The following LMNTD1 variants were observed in gnomAD, a reference collection of about 807,000 sequenced individuals.
LMNTD1 encodes the protein lamin tail domain containing 1, also known as lamin tail domain-containing protein 1.
LMNTD1 carries 35 observed loss-of-function variants against 50.9 expected under a neutral mutation model. The ratio of observed to expected loss-of-function variants is 0.69; its 90% CI spans 0.53 to 0.91. The LOEUF (loss-of-function observed/expected upper bound fraction) is 0.91. Among genes scored for constraint, LMNTD1 ranks in the 40% least tolerant of loss-of-function variants. The probability of loss-of-function intolerance (pLI) is 0.00; values close to 1 mark genes in which losing one functional copy is unlikely to be tolerated. For missense variants in LMNTD1, 470 were observed against 475.5 expected (o/e 0.99, Z 0.11); for synonymous variants, 153 against 161.9 (o/e 0.94, Z 0.42).
chr12:25,612,057 T>G (rs1946256405), intron 1 of LMNTD1, among the ~76,000 whole-genome samples: 1 of 152,196 alleles, frequency 6.6e-6, no homozygotes, highest in South Asian at 2.1e-4. Context: ...TCTTAGCCTT[T>G]AACATAATTG....
At chr12:25,553,500 A>C (rs1284861430), upstream of LMNTD1, among the ~76,000 whole-genome samples, 9 of 152,196 alleles carry the variant, frequency 5.9e-5, no homozygotes, top group African/African-American at 1.9e-4. Flanking sequence ...CTAAGAGTCA[A>C]GGCCAGTATG....
At chr12:25,484,313 G>A (rs1938542260) in intron 9 of LMNTD1, among the ~76,000 whole-genome samples, 1 of 151,912 alleles carries the variant, frequency 6.6e-6, no homozygotes, top group East Asian at 1.9e-4. Context: ...TGCCCAGGCT[G>A]GTCTTGAACT....
At chr12:25,628,087 G>T (rs1386334324) in intron 1 of LMNTD1, among the ~76,000 whole-genome samples, 1 of 128,388 alleles carries the variant, frequency 7.8e-6, no homozygotes, top group South Asian at 2.6e-4. Context: ...CAGCCTGGGC[G>T]ACAGAGTGAA....
At chr12:25,479,776 T>A (rs1451759029) in intron 9 of LMNTD1, among the ~76,000 whole-genome samples, 1 of 152,176 alleles carries the variant, frequency 6.6e-6, no homozygotes, top group Non-Finnish European at 1.5e-5. Context: ...TCGCTGCCCT[T>A]TTCATGATAG....
At chr12:25,613,122 C>T (rs1946282946) in intron 1 of LMNTD1, among the ~76,000 whole-genome samples, 2 of 152,208 alleles carry the variant, frequency 1.3e-5, no homozygotes. Flanking sequence ...TTGATTTCAA[C>T]CCAGTGAGAC....
intron 1 of LMNTD1, among the ~76,000 whole-genome samples, chr12:25,628,933 A>C (rs1946654124): frequency 6.6e-6 from 1 of 152,182 alleles, no homozygotes; most frequent in African/African-American, 2.4e-5. Context: ...TAGGAGGCTA[A>C]TTCATCATGT....
At chr12:25,560,940 G>A (rs757984797) in intron 1 of LMNTD1, among the ~76,000 whole-genome samples, 1 of 152,252 alleles carries the variant, frequency 6.6e-6, no homozygotes, top group African/African-American at 2.4e-5. Context: ...GGCCTGAGAT[G>A]ATGGGGTTTT....
chr12:25,636,889 T>C (rs1442694814), intron 1 of LMNTD1, among the ~76,000 whole-genome samples: 1 of 151,148 alleles, frequency 6.6e-6, no homozygotes, highest in Non-Finnish European at 1.5e-5. Context: ...AACTCAGGAA[T>C]AGAAAACCAA....
At position 25,591,811 on chromosome 12, in the gene LMNTD1, CAGAGAGAGAGAG is replaced by C. The variant is rs58392351; in HGVS notation, c.59-45269_59-45258del. 3.8e-3 allele frequency among the ~76,000 whole-genome samples: 346 copies of C among 90,088 alleles called. 4 individuals are homozygous for C. Among genetic ancestry groups the C allele is most frequent in the African/African-American group, 0.011 (289 of 26,390 alleles). The allele number at this position is 90,088 out of a possible 152,430, so 59.1% of individuals were successfully genotyped here. A position where few individuals can be genotyped will look rare whatever the true frequency, so the allele number is the denominator to read the frequency against. On this transcript the variant is annotated intron_variant, in intron 1 of 7. Transcript: ENST00000445693. Reference sequence around the variant, plus strand: ...ACCTCCAGCTCCTAATAGCTCAGAACAGAGAGAGAGAGAGAGAGAGAGAGAGAGAGAGAGAGA... The same window carrying C: ...ACCTCCAGCTCCTAATAGCTCAGAACAGAGAGAGAGAGAGAGAGAGAGAGA...
chr12:25,605,730 G>GT, intron 1 of LMNTD1, among the ~76,000 whole-genome samples: 1 of 152,290 alleles, frequency 6.6e-6, no homozygotes, highest in Non-Finnish European at 1.5e-5. Flanking sequence ...GTACCATTCT[G>GT]TTTTGGTTAC....
At chr12:25,498,782 C>T (rs1288403342) in intron 9 of LMNTD1, among the ~76,000 whole-genome samples, 1 of 152,090 alleles carries the variant, frequency 6.6e-6, no homozygotes, top group Non-Finnish European at 1.5e-5. Context: ...CTAAAAGAAA[C>T]TATTTTCTTG....
intron 1 of LMNTD1, chr12:25,582,564 A>G (rs1945337201): frequency 6.6e-6 from 1 of 152,246 alleles, no homozygotes; most frequent in Admixed American, 6.5e-5. Context: ...GGCTCCGAAT[A>G]AATTTTTGGA....
At chr12:25,491,367 G>A (rs1322465382) in intron 9 of LMNTD1, among the ~76,000 whole-genome samples, 1 of 152,196 alleles carries the variant, frequency 6.6e-6, no homozygotes, top group Admixed American at 6.5e-5. Flanking sequence ...GAAGTAACAG[G>A]AAAGTCTACA....
intron 1 of LMNTD1, among the ~76,000 whole-genome samples, chr12:25,578,023 T>C (rs1256847641): frequency 3.3e-5 from 5 of 152,170 alleles, no homozygotes; most frequent in African/African-American, 1.2e-4. Context: ...GCTTCTTCCC[T>C]TGTTCACCTG....
At chr12:25,624,316 A>C (rs971562198) in intron 1 of LMNTD1, among the ~76,000 whole-genome samples, 1 of 152,116 alleles carries the variant, frequency 6.6e-6, no homozygotes, top group Non-Finnish European at 1.5e-5. Flanking sequence ...AAGCTATCAA[A>C]CTCTCCTGAT....
chr12:25,618,229 T>C (rs1381173527), intron 1 of LMNTD1, among the ~76,000 whole-genome samples: 1 of 152,124 alleles, frequency 6.6e-6, no homozygotes, highest in African/African-American at 2.4e-5. Context: ...AGCCTGCCCA[T>C]TAGTCAGTAG....
chr12:25,618,125 T>C (rs924822608), intron 1 of LMNTD1, among the ~76,000 whole-genome samples: 1 of 152,180 alleles, frequency 6.6e-6, no homozygotes, highest in African/African-American at 2.4e-5. Flanking sequence ...TAAAAACTGC[T>C]TTTGTAACTT....
At chr12:25,552,031 A>G (rs1351143096) in intron 2 of LMNTD1, among the ~76,000 whole-genome samples, 2 of 152,330 alleles carry the variant, frequency 1.3e-5, no homozygotes, top group East Asian at 3.9e-4. Flanking sequence ...AAGAACAAAT[A>G]TTTAAAAATG....
At chr12:25,479,482 A>G (rs1376371190) in intron 9 of LMNTD1, among the ~76,000 whole-genome samples, 1 of 152,182 alleles carries the variant, frequency 6.6e-6, no homozygotes, top group Non-Finnish European at 1.5e-5. Context: ...TGTAGTTGGC[A>G]TTGTGATTGT....
Sources: gnomAD v4.1 joint callset for allele counts (sites outside exome capture counted in the v4.1 genomes callset) on GRCh38, gnomAD v4.1.1 for gene constraint, MANE v1.5 for transcripts, NCBI Gene and HGNC (gene_info 2026-07-23, HGNC 2026-07-21) for gene names.